TYRO3: variants seen among roughly 807,000 people sequenced by gnomAD.
TYRO3 encodes the protein TYRO3 protein tyrosine kinase, also known as tyrosine-protein kinase receptor TYRO3.
A neutral mutation model predicts 95.2 loss-of-function variants in TYRO3; 38 were observed. The ratio of observed to expected loss-of-function variants is 0.40; its 90% CI spans 0.31 to 0.52. The LOEUF (loss-of-function observed/expected upper bound fraction) is 0.52, where lower values mean the gene tolerates loss of function less well. TYRO3 is among the 20% of genes least tolerant of loss of function. TYRO3 has a pLI of 0.56. For missense variants in TYRO3, 812 were observed against 1,116.4 expected, an observed-to-expected ratio of 0.73 and a Z score of 3.89; for synonymous variants, 367 against 432.9, an observed-to-expected ratio of 0.85 and a Z score of 1.89.
Position 41,573,500 on chromosome 15 carries a change from A to G in TYRO3, c.2145+33A>G. 6 of 1,425,242 alleles carry G rather than the reference A, an allele frequency of 4.2e-6. No homozygotes were observed. In the South Asian group the frequency reaches 6.1e-5, roughly 15 times the overall value. The allele number at this position is 1,425,242 out of a possible 1,614,324, so 88.3% of individuals were successfully genotyped here. A position where few individuals can be genotyped will look rare whatever the true frequency, so the allele number is the denominator to read the frequency against. On this transcript the variant is annotated intron_variant, in intron 17 of 18. Coordinates refer to ENST00000263798, the MANE Select transcript of TYRO3 (RefSeq NM_006293.4). ...GGGTGGCCCGTGAAGCTTGGTGGGG[A>G]CGAGTGTGAGAGCAGACCTTTAGGA...
At position 41,573,737 on chromosome 15, in the gene TYRO3, G is replaced by A. The variant is rs1383760794; in HGVS notation, c.2204G>A (p.Gly735Asp). The stretch of plus-strand genomic sequence containing the variant: ...ACACGTGGGCAGACGCCATATGCTG[G>A]CATCGAAAACGCTGAGATTTACAAC... ...IMTRGQTPYA[G>D]IENAEIYNYL... Residue 735 changes from glycine to aspartate, a missense_variant, in exon 18 of 19, where the codon GGC becomes GAC. Physicochemically the swap from Gly to Asp is moderately conservative, Grantham distance 94. Coordinates refer to ENST00000263798, the MANE Select transcript of TYRO3 (RefSeq NM_006293.4). 6.2e-7 allele frequency: 1 copy of A among 1,614,282 alleles called. No individual in the cohort carries two copies. The highest frequency in any genetic ancestry group is 8.5e-7 in the Non-Finnish European group (1 of 1,180,054).
At chr15:41,569,933 G>T (rs914610477) in intron 9 of TYRO3, 94 bp from the exon 10 acceptor site, 4 of 1,490,566 alleles carry the variant, frequency 2.7e-6, no homozygotes, top group African/African-American at 2.8e-5. Flanking sequence ...ACCTAGAGGA[G>T]CCCCTTGAAC....
intron 12 of TYRO3, 79 bp downstream of exon 12, chr15:41,570,778 C>G: frequency 7.0e-7 from 1 of 1,427,292 alleles, no homozygotes; most frequent in Admixed American, 1.7e-5. Context: ...CACTTTGAGG[C>G]TGTGGGTTTG....
chr15:41,570,465 C>A, intron 11 of TYRO3, 125 bp downstream of exon 11: 1 of 1,391,514 alleles, frequency 7.2e-7, no homozygotes, highest in Non-Finnish European at 1.0e-6. Context: ...CACAAATCTG[C>A]CTGTGTGGAG....
intron 7 of TYRO3, among the ~76,000 whole-genome samples, chr15:41,567,953 G>A (rs1327228797): frequency 6.6e-6 from 1 of 152,148 alleles, no homozygotes; most frequent in African/African-American, 2.4e-5. Flanking sequence ...GCTGTGAGAG[G>A]GGAGTGGTAA....
intron 1 of TYRO3, among the ~76,000 whole-genome samples, chr15:41,560,095 C>T (rs1036905582): frequency 1.1e-4 from 16 of 152,204 alleles, no homozygotes; most frequent in African/African-American, 3.9e-4. Context: ...GTGACTGGTC[C>T]TGAGAGGGTG....
At chr15:41,571,359 C>T (rs182208972) in intron 13 of TYRO3, among the ~76,000 whole-genome samples, 5 of 152,338 alleles carry the variant, frequency 3.3e-5, no homozygotes, top group African/African-American at 1.2e-4. Flanking sequence ...TGGGTGATTA[C>T]AGCTGTGGTT....
chr15:41,571,566 T>C (rs1399351851), intron 13 of TYRO3, 29 bp from the exon 14 acceptor site: 1 of 1,512,832 alleles, frequency 6.6e-7, no homozygotes, highest in Admixed American at 1.7e-5. Context: ...TCTTGTTTTA[T>C]TTCCTCCTTC....
Position 41,573,119 on chromosome 15 carries a change from T to A in TYRO3, c.1985+8T>A. ...GGCTGCTCGGAATTGCATGTACGAATTCTGGAGGACTCGAGGGTGGGAGAC... is the reference window on the plus strand; with the variant it reads ...GGCTGCTCGGAATTGCATGTACGAAATCTGGAGGACTCGAGGGTGGGAGAC... On this transcript the variant is annotated splice_region_variant and intron_variant, in intron 16 of 18. Transcript: ENST00000263798. The A allele has an allele frequency of 4.1e-6, 4 of 975,120 alleles. No individual in the cohort carries two copies. Among genetic ancestry groups the A allele is most frequent in the Non-Finnish European group, 6.1e-6 (4 of 653,198 alleles). 60.4% of individuals were successfully genotyped at this position (975,120 alleles called of 1,614,324 possible). A position where few individuals can be genotyped will look rare whatever the true frequency, so the allele number is the denominator to read the frequency against.
intron 2 of TYRO3, 33 bp from the exon 3 acceptor site, chr15:41,561,506 C>T (rs1487554796): frequency 7.4e-7 from 1 of 1,353,322 alleles, no homozygotes. Flanking sequence ...CGCCCTTGCC[C>T]TCGGAAGCAA....
chr15:41,562,834 G>A, intron 4 of TYRO3, 116 bp downstream of exon 4: 1 of 1,088,890 alleles, frequency 9.2e-7, no homozygotes, highest in Non-Finnish European at 1.3e-6. Flanking sequence ...GCAAGCCCCA[G>A]TGTCTGGGGA....
At position 41,564,880 on chromosome 15, in the gene TYRO3, C is replaced by T. The variant is rs778338739; in HGVS notation, c.668-146C>T. Reference sequence around the variant, plus strand: ...GCCCTACTGGTTGCTTATTTGTGTACTACTGTGATCCTGGGAGTGCTGAGT... The same window carrying T: ...GCCCTACTGGTTGCTTATTTGTGTATTACTGTGATCCTGGGAGTGCTGAGT... On this transcript the variant is annotated intron_variant, in intron 5 of 18. Coordinates refer to ENST00000263798, the MANE Select transcript of TYRO3 (RefSeq NM_006293.4). 12 of 634,988 alleles carry T rather than the reference C, an allele frequency of 1.9e-5. No individual in the cohort carries two copies. The Middle Eastern group carries it at 1.3e-3, about 67-fold the overall frequency. 39.3% of individuals were successfully genotyped at this position (634,988 alleles called of 1,614,324 possible).
At chr15:41,567,206 G>A (rs1213700729) in intron 6 of TYRO3, among the ~76,000 whole-genome samples, 154 bp from the exon 7 acceptor site, 1 of 152,176 alleles carries the variant, frequency 6.6e-6, no homozygotes, top group Non-Finnish European at 1.5e-5. Flanking sequence ...GTGGAACCCT[G>A]TGTATTATTG....
intron 1 of TYRO3, among the ~76,000 whole-genome samples, chr15:41,560,393 A>ATATGTGTG (rs2055631822): frequency 8.3e-6 from 1 of 120,448 alleles, no homozygotes; most frequent in South Asian, 3.3e-4. Flanking sequence ...AGGTGCGTGT[A>ATATGTGTG]TGTGTGTGTG....
chr15:41,568,300 G>A lies in TYRO3; in HGVS notation c.1045G>A (p.Ala349Thr), dbSNP rs751012157. ...GGAGTGGGAAGAAGTGATCCCCGAG[G>A]CCCCTTTGGAAGGCCCCCTGGGACC... is the stretch of plus-strand genomic sequence containing the variant. ...ILEWEEVIPE[A>T]PLEGPLGPYK... Residue 349 changes from alanine (A) to threonine (T), a missense_variant, in exon 8 of 19, where the codon GCC becomes ACC. Physicochemically the swap from Ala to Thr is moderately conservative, Grantham distance 58. Coordinates refer to ENST00000263798, the MANE Select transcript of TYRO3 (RefSeq NM_006293.4). 1 of 1,614,004 alleles carries A rather than the reference G, an allele frequency of 6.2e-7. No homozygotes were observed. The highest frequency in any genetic ancestry group is 1.7e-4 in the Middle Eastern group (1 of 6,010).
intron 6 of TYRO3, among the ~76,000 whole-genome samples, chr15:41,565,723 C>T (rs1401361298): frequency 6.6e-6 from 1 of 151,892 alleles, no homozygotes; most frequent in Non-Finnish European, 1.5e-5. Flanking sequence ...ACCAGCACAC[C>T]CAGACGAGTT....
At position 41,568,954 on chromosome 15, in the gene TYRO3, G is replaced by A; in HGVS notation, c.1184G>A (p.Cys395Tyr). The A allele has an allele frequency of 1.2e-6, 2 of 1,614,092 alleles. No individual in the cohort carries two copies. Among genetic ancestry groups the A allele is most frequent in the Non-Finnish European group, 1.7e-6 (2 of 1,180,044 alleles). ...DPQKDLIVRV[C>Y]VSNAVGCGPW... ...CAAAAGGACCTGATCGTACGTGTGT[G>A]CGTCTCCAATGCAGTTGGCTGTGGA... is the stretch of plus-strand genomic sequence containing the variant. Residue 395 changes from cysteine to tyrosine, a missense_variant, in exon 9 of 19, where the codon TGC becomes TAC. By Grantham distance (194) the Cys-to-Tyr change is radical. Transcript: ENST00000263798.
rs1292390930 is a variant in TYRO3 at position 41,578,920 on chromosome 15, T to C, written c.*644T>C. 1 of 153,330 alleles carries C rather than the reference T, an allele frequency of 6.5e-6. No individual in the cohort carries two copies. The highest frequency in any genetic ancestry group is 6.5e-5 in the Admixed American group (1 of 15,372). The allele number at this position is 153,330 out of a possible 1,614,324, so 9.5% of individuals were successfully genotyped here. ...CAAAGGCATGCTGGAGTACCCAGCC[T>C]ATCAGGTGCCCCTCTTCCAAAGGCA... On this transcript the variant is annotated 3_prime_UTR_variant, in exon 19 of 19. Transcript: ENST00000263798.
intron 18 of TYRO3, chr15:41,574,846 A>C: frequency 4.7e-6 from 2 of 425,026 alleles, no homozygotes; most frequent in Non-Finnish European, 9.4e-6. Context: ...CAGCCTTCCA[A>C]GTAGCTGGGA....
Sources: gnomAD v4.1 joint callset for allele counts (sites outside exome capture counted in the v4.1 genomes callset) on GRCh38, gnomAD v4.1.1 for gene constraint, MANE v1.5 for transcripts, NCBI Gene and HGNC (gene_info 2026-07-23, HGNC 2026-07-21) for gene names.